Variants in PCDHA7 observed in about 807,000 individuals in gnomAD.
The protein encoded by PCDHA7 is protocadherin alpha-7.
A neutral mutation model predicts 57.2 loss-of-function variants in PCDHA7; 37 were observed. The ratio of observed to expected loss-of-function variants is 0.65; its 90% CI spans 0.50 to 0.85. PCDHA7 has a LOEUF of 0.85. Among genes scored for constraint, PCDHA7 ranks in the 40% least tolerant of loss-of-function variants. The pLI, the probability that PCDHA7 is intolerant of heterozygous loss-of-function variation, is 0.00. For missense variants in PCDHA7, 1,188 were observed against 1,241.8 expected, an observed-to-expected ratio of 0.96 and a Z score of 0.65; for synonymous variants, 553 against 558.8, an observed-to-expected ratio of 0.99 and a Z score of 0.15.
chr5:140,843,275 A>ACC, intron 1 of PCDHA7: 1 of 1,595,960 alleles, frequency 6.3e-7, no homozygotes, highest in East Asian at 2.2e-5. Flanking sequence ...GGTCCTGGTG[A>ACC]AGGATCATGG....
In PCDHA7 at chr5:140,836,587, TA is replaced by T. The variant is rs2150264756; in HGVS notation, c.2207del (p.Lys736SerfsTer64). Reference sequence around the variant, plus strand: ...TCCTCTGAGGGCGCATGTAGTTTGGTAAAGCCCACTCTGGTGTGCTCCAGCG... The same window carrying T: ...TCCTCTGAGGGCGCATGTAGTTTGGTAAGCCCACTCTGGTGTGCTCCAGCG... ...APSSEGACSL[V>X]KPTLVCSSAV... On this transcript the variant is annotated frameshift_variant, in exon 1 of 4. Transcript: ENST00000525929. LOFTEE classifies it high-confidence loss of function. 1 of 1,613,616 alleles carries T rather than the reference TA, an allele frequency of 6.2e-7. No individual in the cohort carries two copies. The highest frequency in any genetic ancestry group is 1.3e-5 in the African/African-American group (1 of 74,784).
intron 1 of PCDHA7, chr5:140,863,494 C>A (rs1203332871): frequency 2.3e-5 from 10 of 442,506 alleles, no homozygotes; most frequent in African/African-American, 1.6e-4. Context: ...GTCAACATTA[C>A]GGCTTTTAGT....
intron 1 of PCDHA7, chr5:140,967,981 G>C: frequency 6.2e-7 from 1 of 1,614,202 alleles, no homozygotes; most frequent in Non-Finnish European, 8.5e-7. Flanking sequence ...TGGGTCTGGA[G>C]GCCACACTGC....
rs74450843 is a variant in PCDHA7 at position 140,951,654 on chromosome 5, C to A, written c.2356-27295C>A. ...GCCCCATGATCTAATCACCTCCCAC[C>A]AGGGCCTGCCTACAAAATTGGGGAT... On this transcript the variant is annotated intron_variant, in intron 1 of 3. Coordinates refer to ENST00000525929, the MANE Select transcript of PCDHA7 (RefSeq NM_018910.3). 1.1e-4 allele frequency among the ~76,000 whole-genome samples: 16 copies of A among 152,248 alleles called. No homozygotes were observed. In the East Asian group the frequency reaches 3.1e-3, roughly 29 times the overall value.
chr5:140,961,738 G>A (rs976601916), intron 1 of PCDHA7, among the ~76,000 whole-genome samples: 2 of 152,118 alleles, frequency 1.3e-5, no homozygotes, highest in African/African-American at 4.8e-5. Flanking sequence ...AATCACTTTA[G>A]TAATATTACA....
At chr5:140,849,614 T>C (rs2040994208) in intron 1 of PCDHA7, 1 of 1,598,700 alleles carries the variant, frequency 6.3e-7, no homozygotes, top group East Asian at 2.2e-5. Flanking sequence ...CCCTGATTAG[T>C]GTGATCGACC....
At chr5:140,936,291 A>G (rs996685658) in intron 1 of PCDHA7, among the ~76,000 whole-genome samples, 2 of 152,174 alleles carry the variant, frequency 1.3e-5, no homozygotes, top group African/African-American at 4.8e-5. Flanking sequence ...CTTCTATAAC[A>G]TTGCTATCCA....
chr5:140,998,746 A>C (rs1473770059), intron 3 of PCDHA7, among the ~76,000 whole-genome samples: 2 of 151,954 alleles, frequency 1.3e-5, no homozygotes, highest in Non-Finnish European at 2.9e-5. Context: ...GTATTTTTAG[A>C]AGAGACACAG....
intron 1 of PCDHA7, chr5:140,841,827 C>T: frequency 6.2e-7 from 1 of 1,613,914 alleles, no homozygotes; most frequent in Non-Finnish European, 8.5e-7. Flanking sequence ...TCCGTGTTAA[C>T]CTACAGGCTT....
intron 1 of PCDHA7, chr5:140,857,944 G>T: frequency 6.3e-7 from 1 of 1,597,474 alleles, no homozygotes. Context: ...AGATCAGTAC[G>T]ACGCGCGCTC....
intron 1 of PCDHA7, chr5:140,877,782 G>A (rs1389004100): frequency 6.2e-7 from 1 of 1,614,036 alleles, no homozygotes; most frequent in Non-Finnish European, 8.5e-7. Context: ...CGGACCTCAT[G>A]GCCTTCAGCC....
intron 1 of PCDHA7, chr5:140,852,695 T>G: frequency 1.0e-6 from 1 of 976,386 alleles, no homozygotes; most frequent in Non-Finnish European, 1.2e-6. Context: ...GTCTTATACT[T>G]TCAAGTATCT....
At position 140,945,942 on chromosome 5, in the gene PCDHA7, A is replaced by G. The variant is rs534164272; in HGVS notation, c.2356-33007A>G. 2.0e-5 allele frequency among the ~76,000 whole-genome samples: 3 copies of G among 152,196 alleles called. No individual in the cohort carries two copies. In the South Asian group the frequency reaches 6.2e-4, roughly 32 times the overall value. ...ACTGATCTGAGCAATGATGTTTTTT[A>G]TATGACCCTGAAAGCACAGGCAATA... On this transcript the variant is annotated intron_variant, in intron 1 of 3. Coordinates refer to ENST00000525929, the MANE Select transcript of PCDHA7 (RefSeq NM_018910.3).
At chr5:140,933,446 C>T (rs543444309) in intron 1 of PCDHA7, among the ~76,000 whole-genome samples, 1 of 151,990 alleles carries the variant, frequency 6.6e-6, no homozygotes, top group Non-Finnish European at 1.5e-5. Flanking sequence ...AATGACATAC[C>T]TTCAAAATAT....
rs2150328555 is a variant in PCDHA7 at position 140,842,062 on chromosome 5, C to T, written c.2355+5324C>T. ...CTCCCACTTTCGAACAGTCTGAATA[C>T]GAAGTAAGAATATTCGAAAACGCAG... On this transcript the variant is annotated intron_variant, in intron 1 of 3. Coordinates refer to ENST00000525929, the MANE Select transcript of PCDHA7 (RefSeq NM_018910.3). 5 of 1,613,774 alleles carry T rather than the reference C, an allele frequency of 3.1e-6. No individual in the cohort carries two copies. The African/African-American group carries it at 6.7e-5, about 22-fold the overall frequency.
chr5:140,924,229 T>A (rs543275737), intron 1 of PCDHA7, among the ~76,000 whole-genome samples: 4 of 152,376 alleles, frequency 2.6e-5, no homozygotes, highest in African/African-American at 9.6e-5. Flanking sequence ...TCAATTTTTA[T>A]GGGCTGTTTT....
At chr5:140,883,410 C>T in intron 1 of PCDHA7, 2 of 1,614,180 alleles carry the variant, frequency 1.2e-6, no homozygotes, top group Non-Finnish European at 1.7e-6. Flanking sequence ...GACTCTGGCT[C>T]AAATGGACAG....
chr5:140,877,320 C>G, intron 1 of PCDHA7: 1 of 1,613,972 alleles, frequency 6.2e-7, no homozygotes, highest in Non-Finnish European at 8.5e-7. Context: ...CGGCGGCGGT[C>G]GGCGCGCACA....
rs782355791 is a variant in PCDHA7, at chr5:140,982,576, G to A, written c.2503+13G>A. The A allele has an allele frequency of 5.6e-6, 9 of 1,613,152 alleles. No homozygotes were observed. In the Admixed American group the frequency reaches 6.7e-5, roughly 12 times the overall value. ...AGTGCAACACCAGGTAAAGAGCTGG[G>A]GTCTCTCCATTCTTTCTTGGTTTCT... On this transcript the variant is annotated intron_variant, in intron 3 of 3. Transcript: ENST00000525929.
Sources: gnomAD v4.1 joint callset for allele counts (sites outside exome capture counted in the v4.1 genomes callset) on GRCh38, gnomAD v4.1.1 for gene constraint, MANE v1.5 for transcripts, NCBI Gene and HGNC (gene_info 2026-07-23, HGNC 2026-07-21) for gene names.